TJP1: variants seen among roughly 807,000 people sequenced by gnomAD.
The protein encoded by TJP1 is tight junction protein ZO-1.
Under a neutral mutation model 194.2 loss-of-function variants are expected in TJP1, and 43 were observed. The ratio of observed to expected loss-of-function variants is 0.22; its 90% confidence interval spans 0.17 to 0.29. TJP1 has a LOEUF of 0.29. Among genes scored for constraint, TJP1 ranks in the 10% least tolerant of loss-of-function variants. The pLI, the probability that TJP1 is intolerant of heterozygous loss-of-function variation, is 1.00. For missense variants in TJP1, 1,971 were observed against 2,185.7 expected (o/e 0.90, Z 1.96); for synonymous variants, 801 against 779.0 (o/e 1.03, Z -0.47).
At chr15:29,713,656 T>A (rs1178276293) in intron 23 of TJP1, among the ~76,000 whole-genome samples, 1 of 152,210 alleles carries the variant, frequency 6.6e-6, no homozygotes, top group Non-Finnish European at 1.5e-5. Flanking sequence ...TATTTTCCAG[T>A]TGATGAAGTT....
chr15:29,880,079 A>C (rs1229091166), intron 2 of TJP1, among the ~76,000 whole-genome samples: 2 of 152,178 alleles, frequency 1.3e-5, no homozygotes, highest in Admixed American at 6.5e-5. Context: ...TTTACTATAT[A>C]ATATTTACTG....
chr15:29,883,888 A>G (rs2053024638), intron 2 of TJP1, among the ~76,000 whole-genome samples: 1 of 152,220 alleles, frequency 6.6e-6, no homozygotes, highest in Non-Finnish European at 1.5e-5. Flanking sequence ...AGGGTTTGAC[A>G]GTCTTATGTA....
At chr15:29,783,399 T>C (rs757165937) in intron 2 of TJP1, among the ~76,000 whole-genome samples, 3 of 152,106 alleles carry the variant, frequency 2.0e-5, no homozygotes, top group South Asian at 2.1e-4. Context: ...CTTATACACG[T>C]TGGGGAAGGC....
At chr15:29,708,123 G>T (rs956183673) in intron 25 of TJP1, among the ~76,000 whole-genome samples, 1 of 151,930 alleles carries the variant, frequency 6.6e-6, no homozygotes, top group African/African-American at 2.4e-5. Flanking sequence ...CTGAACCCAG[G>T]GGGTGGAGGT....
chr15:29,769,527 T>C (rs1400269507), intron 4 of TJP1, among the ~76,000 whole-genome samples: 2 of 152,168 alleles, frequency 1.3e-5, no homozygotes, highest in African/African-American at 2.4e-5. Flanking sequence ...GACTGGACAC[T>C]GAAATGCCTG....
At chr15:29,755,500 A>G (rs1000447266) in intron 8 of TJP1, among the ~76,000 whole-genome samples, 14 of 152,190 alleles carry the variant, frequency 9.2e-5, no homozygotes, top group Admixed American at 2.0e-4. Context: ...TTTTACTGTC[A>G]TGTATTTGCT....
chr15:29,800,137 G>A (rs1287028506), intron 2 of TJP1, among the ~76,000 whole-genome samples: 3 of 152,138 alleles, frequency 2.0e-5, no homozygotes, highest in East Asian at 1.9e-4. Flanking sequence ...GTCTCACTTC[G>A]GACAAAGTTC....
intron 23 of TJP1, among the ~76,000 whole-genome samples, chr15:29,713,166 GA>G (rs2042345622): frequency 6.6e-6 from 1 of 151,906 alleles, no homozygotes; most frequent in Non-Finnish European, 1.5e-5. Context: ...TTGAGACCTG[GA>G]AGTCTCACAT....
chr15:29,850,315 A>G (rs1303084657), intron 2 of TJP1, among the ~76,000 whole-genome samples: 1 of 152,106 alleles, frequency 6.6e-6, no homozygotes, highest in Non-Finnish European at 1.5e-5. Context: ...GACTTTGTGA[A>G]ATAATAAATG....
At chr15:29,870,783 G>T (rs1056391584) in intron 2 of TJP1, among the ~76,000 whole-genome samples, 2 of 152,198 alleles carry the variant, frequency 1.3e-5, no homozygotes, top group African/African-American at 2.4e-5. Context: ...AGCCTGCTGC[G>T]AAACAGCAGC....
chr15:29,882,546 A>T (rs974381846), intron 2 of TJP1, among the ~76,000 whole-genome samples: 3 of 152,184 alleles, frequency 2.0e-5, no homozygotes, highest in Non-Finnish European at 2.9e-5. Flanking sequence ...TATCATACAC[A>T]ATAAGAGAGT....
At chr15:29,862,896 C>T (rs928098413) in intron 2 of TJP1, among the ~76,000 whole-genome samples, 2 of 151,516 alleles carry the variant, frequency 1.3e-5, no homozygotes, top group African/African-American at 2.4e-5. Flanking sequence ...GATCCGCCCG[C>T]CTCGGCCTCC....
chr15:29,775,244 G>A (rs982438620), intron 2 of TJP1, among the ~76,000 whole-genome samples: 5 of 151,620 alleles, frequency 3.3e-5, no homozygotes, highest in Non-Finnish European at 5.9e-5. Context: ...TACAGTAGTA[G>A]TGATGCTGGC....
chr15:29,949,392 C>G (rs2055457377), intron 2 of TJP1, among the ~76,000 whole-genome samples: 1 of 145,626 alleles, frequency 6.9e-6, no homozygotes, highest in South Asian at 2.2e-4. Context: ...ACCTCCACCA[C>G]CACCACCTCC....
At position 29,701,343 on chromosome 15, in the gene TJP1, A is replaced by G. The variant is rs45467499; in HGVS notation, c.*252T>C. The stretch of plus-strand genomic sequence containing the variant: ...CAGTGACGATAAAAAAATTACAAAA[A>G]TCACAAAGCAAAATATCTTTGAACC... On this transcript the variant is annotated 3_prime_UTR_variant, in exon 28 of 28. Coordinates refer to ENST00000614355, the MANE Select transcript of TJP1 (RefSeq NM_001330239.4). The G allele has an allele frequency of 0.016, 6,006 of 374,772 alleles. 324 individuals are homozygous for G. Among genetic ancestry groups the G allele is most frequent in the African/African-American group, 0.11 (5,614 of 49,526 alleles). The allele number at this position is 374,772 out of a possible 1,614,324, so 23.2% of individuals were successfully genotyped here.
In TJP1 at chr15:29,896,726, G is replaced by A. The variant is rs188162955; in HGVS notation, c.306+59506C>T. The stretch of plus-strand genomic sequence containing the variant: ...TGAAGTGGTCTCAGATGGAGATGAG[G>A]AACTTGTTGGGAACTGGAGCAAAGG... On this transcript the variant is annotated intron_variant, in intron 2 of 28. Transcript: ENST00000356107. Among the ~76,000 whole-genome samples, 86 of 152,284 alleles carry A rather than the reference G, an allele frequency of 5.6e-4. 1 individual carries two copies. The highest frequency in any genetic ancestry group is 1.0e-4 in the Non-Finnish European group (7 of 68,026).
chr15:29,738,356 T>TAAC (rs918150206), intron 10 of TJP1, among the ~76,000 whole-genome samples: 107 of 152,142 alleles, frequency 7.0e-4, no homozygotes, highest in Middle Eastern at 6.8e-3. Flanking sequence ...TAGATAACAA[T>TAAC]AACAACAACA....
intron 2 of TJP1, among the ~76,000 whole-genome samples, chr15:29,953,881 G>C (rs1278621588): frequency 1.3e-5 from 2 of 152,168 alleles, no homozygotes; most frequent in African/African-American, 4.8e-5. Context: ...TTCAGAAGTA[G>C]AAAACCAAAA....
At chr15:29,921,292 A>T (rs2054349970) in intron 2 of TJP1, among the ~76,000 whole-genome samples, 1 of 152,186 alleles carries the variant, frequency 6.6e-6, no homozygotes, top group Non-Finnish European at 1.5e-5. Flanking sequence ...ATCTCTTCAG[A>T]CCAGATTCCT....
Sources: allele counts gnomAD v4.1 joint callset (sites outside exome capture counted in the v4.1 genomes callset), GRCh38; gene constraint gnomAD v4.1.1; transcripts MANE v1.5; gene names NCBI Gene and HGNC (gene_info 2026-07-23, HGNC 2026-07-21).